The following NFATC2 variants were observed in gnomAD, a reference collection of about 807,000 sequenced individuals.
NFATC2 encodes nuclear factor of activated T-cells, cytoplasmic 2.
Under a neutral mutation model 87.3 loss-of-function variants are expected in NFATC2, and 22 were observed. That is an observed-to-expected ratio of 0.25 (90% confidence interval 0.18 to 0.36). NFATC2 has a LOEUF of 0.36. Ranked by LOEUF, NFATC2 falls within the 10% of genes least tolerant of loss-of-function variation. The pLI is 1.00. For missense variants in NFATC2, 1,149 were observed against 1,259.1 expected (o/e 0.91, Z 1.32); for synonymous variants, 565 against 542.2 (o/e 1.04, Z -0.58).
chr20:51,402,203 G>A (rs1988116711), intron 9 of NFATC2, among the ~76,000 whole-genome samples: 1 of 152,178 alleles, frequency 6.6e-6, no homozygotes, highest in South Asian at 2.1e-4. Context: ...GCCCGACAAG[G>A]AAGGACTAAC....
In NFATC2 at chr20:51,435,862, T is replaced by C. The variant is rs1419605284; in HGVS notation, c.1850-101A>G. On this transcript the variant is annotated intron_variant, in intron 6 of 10. Coordinates refer to ENST00000371564, the MANE Select transcript of NFATC2 (RefSeq NM_012340.5). Reference sequence around the variant, plus strand: ...TCTGTTTATCTTAGCTTGTATATTATGTCATTTCAGTAAGGTGTGTGTCAA... The same window carrying C: ...TCTGTTTATCTTAGCTTGTATATTACGTCATTTCAGTAAGGTGTGTGTCAA... The C allele has an allele frequency of 5.1e-6, 5 of 975,462 alleles. No homozygotes were observed. In the African/African-American group the frequency reaches 6.5e-5, roughly 13 times the overall value. The allele number at this position is 975,462 out of a possible 1,614,324, so 60.4% of individuals were successfully genotyped here.
At chr20:51,441,900 G>A (rs968552419) in intron 6 of NFATC2, among the ~76,000 whole-genome samples, 1 of 152,060 alleles carries the variant, frequency 6.6e-6, no homozygotes, top group African/African-American at 2.4e-5. Flanking sequence ...AAAAAGAATT[G>A]AAGGGCCATC....
At chr20:51,502,084 G>A (rs888725057) in intron 3 of NFATC2, among the ~76,000 whole-genome samples, 3 of 152,200 alleles carry the variant, frequency 2.0e-5, no homozygotes, top group African/African-American at 7.2e-5. Context: ...AGTTGCAGCA[G>A]GGCCTGAGAT....
chr20:51,534,305 G>A (rs1318984459), intron 1 of NFATC2, among the ~76,000 whole-genome samples: 3 of 152,166 alleles, frequency 2.0e-5, no homozygotes, highest in Non-Finnish European at 2.9e-5. Context: ...TAGCATGCAC[G>A]TGTGTCTATA....
At position 51,432,591 on chromosome 20, in the gene NFATC2, G is replaced by A. The variant is rs747808526; in HGVS notation, c.2198C>T (p.Thr733Met). The change falls in exon 9 of 11, where the codon ACG becomes ATG. Residue 733 changes from threonine to methionine, a missense_variant. Physicochemically the swap from Thr to Met is moderately conservative, Grantham distance 81 (BLOSUM62 -1). Transcript: ENST00000371564. The surrounding 1 kb of genome is among the most constrained non-coding windows in gnomAD (Gnocchi z 4.6). ...ATMAPCQQFR[T>M]GLSSPDARYQ... Reference sequence around the variant, plus strand: ...GCGGGCGTCAGGGGATGAGAGCCCCGTGCGGAACTGCTGGCAGGGAGCCAT... The same window carrying A: ...GCGGGCGTCAGGGGATGAGAGCCCCATGCGGAACTGCTGGCAGGGAGCCAT... 2.2e-5 allele frequency: 33 copies of A among 1,532,084 alleles called. No individual in the cohort carries two copies. The highest frequency in any genetic ancestry group is 2.1e-4 in the Admixed American group (10 of 47,944). 94.9% of individuals were successfully genotyped at this position (1,532,084 alleles called of 1,614,324 possible).
rs144280351 is a variant in NFATC2 at position 51,440,767 on chromosome 20, G to A, written c.1850-5006C>T. Among the ~76,000 whole-genome samples, 545 of 152,264 alleles carry A rather than the reference G, an allele frequency of 3.6e-3. 4 individuals are homozygous for A. The highest frequency in any genetic ancestry group is 0.012 in the African/African-American group (513 of 41,538). On this transcript the variant is annotated intron_variant, in intron 6 of 10. Coordinates refer to ENST00000371564, the MANE Select transcript of NFATC2 (RefSeq NM_012340.5). ...CAACAGGAAGTGAAAGCCCACATCC[G>A]TTGTCTTTCTTGATTTTATGCAGCA...
chr20:51,510,835 G>T (rs546997939), intron 3 of NFATC2, among the ~76,000 whole-genome samples: 1 of 152,262 alleles, frequency 6.6e-6, no homozygotes, highest in East Asian at 1.9e-4. Context: ...GCTGTTAACA[G>T]GGTTCGTTCT....
intron 1 of NFATC2, among the ~76,000 whole-genome samples, chr20:51,539,482 T>C (rs1289853414): frequency 6.6e-6 from 1 of 152,064 alleles, no homozygotes; most frequent in Non-Finnish European, 1.5e-5. Flanking sequence ...CTTCTCTTTT[T>C]TTGTCTGGTT....
chr20:51,399,980 A>ACCCCTCCTCC (rs1987820356), intron 9 of NFATC2, among the ~76,000 whole-genome samples: 1 of 151,870 alleles, frequency 6.6e-6, no homozygotes, highest in African/African-American at 2.4e-5. Context: ...CTGGATCCTC[A>ACCCCTCCTCC]CCCCTCCTCC....
chr20:51,473,692 C>T (rs1988445865), intron 5 of NFATC2, among the ~76,000 whole-genome samples: 1 of 152,250 alleles, frequency 6.6e-6, no homozygotes, highest in Admixed American at 6.5e-5. Flanking sequence ...ATGATATTTA[C>T]ACATTTCAAG....
chr20:51,561,422 G>A (rs1168621418), intron 1 of NFATC2, among the ~76,000 whole-genome samples: 7 of 122,750 alleles, frequency 5.7e-5, no homozygotes, highest in South Asian at 5.2e-4. Flanking sequence ...GAAAGAAAGA[G>A]AGAGAAAGAA....
rs148460149 is a variant in NFATC2 at position 51,499,003 on chromosome 20, G to A, written c.1332+17781C>T. ...CCTGGAGTGTTTGAGGAATAGCACA[G>A]AGGCCATTAGCAGGTGGGAATGGAG... is the stretch of plus-strand genomic sequence containing the variant. On this transcript the variant is annotated intron_variant, in intron 3 of 10. Transcript: ENST00000371564. Among the ~76,000 whole-genome samples, 1,209 of 152,224 alleles carry A rather than the reference G, an allele frequency of 7.9e-3. 8 individuals are homozygous for A. The highest frequency in any genetic ancestry group is 0.012 in the Non-Finnish European group (788 of 68,008).
chr20:51,529,233 A>G (rs542809865), intron 1 of NFATC2, among the ~76,000 whole-genome samples: 11 of 152,332 alleles, frequency 7.2e-5, no homozygotes, highest in Admixed American at 6.5e-4. Flanking sequence ...CACAGTCCAC[A>G]GAAACGCAGT....
intron 1 of NFATC2, among the ~76,000 whole-genome samples, chr20:51,531,647 G>A (rs2076635463): frequency 6.6e-6 from 1 of 152,218 alleles, no homozygotes; most frequent in South Asian, 2.1e-4. Context: ...ATGTCCTCAT[G>A]TGTGACACGG....
At chr20:51,478,663 A>G (rs1298756599) in intron 3 of NFATC2, among the ~76,000 whole-genome samples, 1 of 152,152 alleles carries the variant, frequency 6.6e-6, no homozygotes, top group Non-Finnish European at 1.5e-5. Context: ...TAAAAATGCA[A>G]ATCAGATCCA....
Position 51,529,730 on chromosome 20 carries a change from T to C in NFATC2, c.131-5620A>G, listed in dbSNP as rs33997212. Among the ~76,000 whole-genome samples, 859 of 152,326 alleles carry C rather than the reference T, an allele frequency of 5.6e-3. 15 individuals are homozygous for C. The highest frequency in any genetic ancestry group is 0.037 in the Admixed American group (562 of 15,300). Reference sequence around the variant, plus strand: ...CCAAAAAGTATTTACTTAATACTTCTAGTATTTAAATTCACTCACTTATTT... The same window carrying C: ...CCAAAAAGTATTTACTTAATACTTCCAGTATTTAAATTCACTCACTTATTT... On this transcript the variant is annotated intron_variant, in intron 1 of 10. Transcript: ENST00000371564.
In NFATC2 at chr20:51,402,119, T is replaced by C. The variant is rs912843779; in HGVS notation, c.2723-3389A>G. Among the ~76,000 whole-genome samples the C allele has an allele frequency of 2.6e-5, 4 of 152,300 alleles. 1 individual carries two copies. ...GAATATGCTACCATCATCTCCATTG[T>C]CTGCTTTTTTGCAATGATTGCACAT... On this transcript the variant is annotated intron_variant, in intron 9 of 10. Coordinates refer to ENST00000371564, the MANE Select transcript of NFATC2 (RefSeq NM_012340.5).
rs755739862 is a variant in NFATC2 at position 51,391,467 on chromosome 20, GGA to G, written c.*45-18_*45-17del. ...ATTTCATTAACTACAAAAGAAAAGAGGAGGGGGGGGGAGAGAGAATGGGGCAA... is the reference window on the plus strand; with the variant it reads ...ATTTCATTAACTACAAAAGAAAAGAGGGGGGGGGGAGAGAGAATGGGGCAA... On this transcript the variant is annotated splice_polypyrimidine_tract_variant and intron_variant, in intron 10 of 10. Transcript: ENST00000371564. 5.5e-5 allele frequency: 80 copies of G among 1,443,272 alleles called. 2 individuals carry two copies. In the South Asian group the frequency reaches 6.6e-4, roughly 12 times the overall value. The allele number at this position is 1,443,272 out of a possible 1,614,324, so 89.4% of individuals were successfully genotyped here.
Position 51,524,124 on chromosome 20 carries a change from G to A in NFATC2, c.131-14C>T. On this transcript the variant is annotated splice_polypyrimidine_tract_variant and intron_variant, in intron 1 of 10. Transcript: ENST00000371564. This position sits in a 1 kb window ranked among gnomAD's most constrained non-coding sequence, Gnocchi z 4.0. ...CATTCGGCTCTTCTGGAAAGAGAAG[G>A]GGGAAGGGGGTTCTTTTTAAGCCTC... 6.9e-7 allele frequency: 1 copy of A among 1,442,410 alleles called. No individual in the cohort carries two copies. Among genetic ancestry groups the A allele is most frequent in the Non-Finnish European group, 9.1e-7 (1 of 1,099,586 alleles). The allele number at this position is 1,442,410 out of a possible 1,614,324, so 89.4% of individuals were successfully genotyped here.
Sources: gnomAD v4.1 joint callset for allele counts (sites outside exome capture counted in the v4.1 genomes callset) on GRCh38, gnomAD v4.1.1 for gene constraint, Gnocchi (gnomAD v3.1) non-coding constraint, MANE v1.5 for transcripts, NCBI Gene and HGNC (gene_info 2026-07-23, HGNC 2026-07-21) for gene names.